ABCC4: variants seen among roughly 807,000 people sequenced by gnomAD.
The protein encoded by ABCC4 is ATP binding cassette subfamily C member 4 (PEL blood group).
Under a neutral mutation model 168.5 loss-of-function variants are expected in ABCC4, and 102 were observed. That is an observed-to-expected ratio of 0.61 (90% CI 0.52 to 0.71). ABCC4 has a LOEUF of 0.71. Among genes scored for constraint, ABCC4 ranks in the 30% least tolerant of loss-of-function variants. ABCC4 has a pLI of 0.00. For synonymous variants in ABCC4, 617 were observed against 590.7 expected, an observed-to-expected ratio of 1.04 and a Z score of -0.65; for missense variants, 1,402 against 1,605.8, an observed-to-expected ratio of 0.87 and a Z score of 2.17.
Position 95,206,608 on chromosome 13 carries a change from C to G in ABCC4, c.1085G>C (p.Arg362Pro), listed in dbSNP as rs986813068. The change falls in exon 8 of 31, where the codon CGG (arginine) becomes CCG (proline). Residue 362 changes from arginine to proline, a missense_variant. Transcript: ENST00000645237. ...FVAVTLYGAV[R>P]LTVTLFFPSA... ...GGGGAAGAAGAGGGTAACCGTCAGC[C>G]GCACAGCCCCATACAGCGTCACTGC... 6.2e-7 allele frequency: 1 copy of G among 1,614,120 alleles called. No individual in the cohort carries two copies.
At chr13:95,256,353 C>G (rs2040391348) in intron 1 of ABCC4, among the ~76,000 whole-genome samples, 1 of 152,196 alleles carries the variant, frequency 6.6e-6, no homozygotes, top group Non-Finnish European at 1.5e-5. Flanking sequence ...GCCAGAGATG[C>G]CATACTATAT....
chr13:95,088,528 T>C (rs114894225), intron 20 of ABCC4, among the ~76,000 whole-genome samples: 1,958 of 152,242 alleles, frequency 0.013, 40 homozygotes, highest in African/African-American at 0.045. Context: ...ACAGAATATA[T>C]TCTGACATAA....
chr13:95,084,726 T>C (rs2034201617), intron 20 of ABCC4, among the ~76,000 whole-genome samples: 1 of 152,194 alleles, frequency 6.6e-6, no homozygotes, highest in Non-Finnish European at 1.5e-5. Context: ...AGGCACATGA[T>C]AACAATAGCA....
At chr13:95,079,926 T>A (rs1411168883) in intron 21 of ABCC4, among the ~76,000 whole-genome samples, 1 of 152,186 alleles carries the variant, frequency 6.6e-6, no homozygotes, top group Non-Finnish European at 1.5e-5. Context: ...TGGACTCATA[T>A]CTGTTTTATT....
chr13:95,233,075 G>A (rs1389357310), intron 4 of ABCC4, among the ~76,000 whole-genome samples: 1 of 151,970 alleles, frequency 6.6e-6, no homozygotes, highest in East Asian at 1.9e-4. Flanking sequence ...TTTTTTTCTT[G>A]TCACTATTCC....
chr13:95,159,090 ATT>A (rs1219970795), intron 19 of ABCC4, among the ~76,000 whole-genome samples: 9 of 33,602 alleles, frequency 2.7e-4, no homozygotes, highest in Admixed American at 1.1e-3. Context: ...TTCTAAATAA[ATT>A]TTATATATAT....
chr13:95,158,380 C>A (rs771044745), intron 19 of ABCC4, among the ~76,000 whole-genome samples: 1 of 152,128 alleles, frequency 6.6e-6, no homozygotes, highest in Non-Finnish European at 1.5e-5. Flanking sequence ...AATATTCCAG[C>A]ACAAGGGCAC....
At chr13:95,122,531 T>C (rs1302513156) in intron 19 of ABCC4, among the ~76,000 whole-genome samples, 1 of 152,214 alleles carries the variant, frequency 6.6e-6, no homozygotes, top group Non-Finnish European at 1.5e-5. Flanking sequence ...CTATTAAGTT[T>C]TTAGAAACAG....
At chr13:95,084,958 G>A (rs1258674823) in intron 20 of ABCC4, among the ~76,000 whole-genome samples, 2 of 152,212 alleles carry the variant, frequency 1.3e-5, no homozygotes, top group Non-Finnish European at 2.9e-5. Flanking sequence ...ACGGTCTATG[G>A]CTTCGGGAAA....
intron 30 of ABCC4, among the ~76,000 whole-genome samples, chr13:95,029,182 A>ATATATATC (rs2031694601): frequency 3.0e-5 from 2 of 66,976 alleles, no homozygotes; most frequent in Admixed American, 1.5e-4. Flanking sequence ...ATATATATAT[A>ATATATATC]TATATATATA....
Position 95,181,204 on chromosome 13 carries a change from T to C in ABCC4, c.1546-3113A>G, listed in dbSNP as rs116087478. On this transcript the variant is annotated intron_variant, in intron 11 of 30. Coordinates refer to ENST00000645237, the MANE Select transcript of ABCC4 (RefSeq NM_005845.5). ...ACGTGGCTATGTGGGTTTGACGCCA[T>C]CTAACCAGAATCCTACCATGTGCAC... is the stretch of plus-strand genomic sequence containing the variant. 3.0e-3 allele frequency among the ~76,000 whole-genome samples: 450 copies of C among 152,310 alleles called. 1 individual carries two copies. Among genetic ancestry groups the C allele is most frequent in the African/African-American group, 0.011 (440 of 41,570 alleles).
At chr13:95,060,962 C>T (rs2033267284) in intron 26 of ABCC4, among the ~76,000 whole-genome samples, 1 of 152,178 alleles carries the variant, frequency 6.6e-6, no homozygotes, top group Non-Finnish European at 1.5e-5. Flanking sequence ...GTGAATTTGA[C>T]TAGTCTAGGT....
intron 4 of ABCC4, among the ~76,000 whole-genome samples, chr13:95,234,356 T>C (rs2039704435): frequency 6.6e-6 from 1 of 152,234 alleles, no homozygotes; most frequent in South Asian, 2.1e-4. Context: ...AAAACTTTCA[T>C]TATACACTGG....
At chr13:95,097,408 C>T (rs1480631306) in intron 20 of ABCC4, among the ~76,000 whole-genome samples, 1 of 151,936 alleles carries the variant, frequency 6.6e-6, no homozygotes, top group East Asian at 1.9e-4. Flanking sequence ...TAATTAGATG[C>T]TGCTTACAAC....
Position 95,141,374 on chromosome 13 carries a change from T to C in ABCC4, c.2455+19815A>G, listed in dbSNP as rs1029965787. On this transcript the variant is annotated intron_variant, in intron 19 of 30. Transcript: ENST00000645237. The stretch of plus-strand genomic sequence containing the variant: ...TTTTGTCTAGATGCATTATTTATCA[T>C]CCGGGTGTTTTTGCCCAAAATTTGT... Among the ~76,000 whole-genome samples, 3 of 152,186 alleles carry C rather than the reference T, an allele frequency of 2.0e-5. No individual in the cohort carries two copies. In the South Asian group the frequency reaches 6.2e-4, roughly 31 times the overall value.
Position 95,040,242 on chromosome 13 carries a change from T to G in ABCC4, c.3735+3440A>C, listed in dbSNP as rs578229825. On this transcript the variant is annotated intron_variant, in intron 29 of 30. Transcript: ENST00000645237. ...TTTATTCTCCCAGTGTGTTCATTTT[T>G]TATTTTTTGAGATGGATCTCACTCT... is the stretch of plus-strand genomic sequence containing the variant. Among the ~76,000 whole-genome samples, 43 of 152,360 alleles carry G rather than the reference T, an allele frequency of 2.8e-4. No homozygotes were observed. The South Asian group carries it at 8.3e-3, about 29-fold the overall frequency.
chr13:95,221,686 T>G (rs987233811), intron 4 of ABCC4, among the ~76,000 whole-genome samples: 2 of 151,290 alleles, frequency 1.3e-5, no homozygotes, highest in Admixed American at 1.3e-4. Context: ...AAAAACATTT[T>G]CAGGGCAGGG....
rs1370826677 is a variant in ABCC4, at chr13:95,301,371, C to T, written c.-57G>A. The T allele has an allele frequency of 1.4e-6, 2 of 1,476,090 alleles. No individual in the cohort carries two copies. Among genetic ancestry groups the T allele is most frequent in the Non-Finnish European group, 9.1e-7 (1 of 1,095,062 alleles). The allele number at this position is 1,476,090 out of a possible 1,614,324, so 91.4% of individuals were successfully genotyped here. Reference sequence around the variant, plus strand: ...CGCGCTGATCAGGCGGCGGTGGCCGCGGGCTCCGCTCCTGGACCTCAAGCA... The same window carrying T: ...CGCGCTGATCAGGCGGCGGTGGCCGTGGGCTCCGCTCCTGGACCTCAAGCA... On this transcript the variant is annotated 5_prime_UTR_variant, in exon 1 of 31. Coordinates refer to ENST00000645237, the MANE Select transcript of ABCC4 (RefSeq NM_005845.5).
At chr13:95,101,229 C>G (rs1262772276) in intron 20 of ABCC4, among the ~76,000 whole-genome samples, 1 of 152,174 alleles carries the variant, frequency 6.6e-6, no homozygotes, top group Non-Finnish European at 1.5e-5. Flanking sequence ...GGAGGAGGGA[C>G]TGGCACATTC....
Sources: gnomAD v4.1 joint callset for allele counts (sites outside exome capture counted in the v4.1 genomes callset) on GRCh38, gnomAD v4.1.1 for gene constraint, MANE v1.5 for transcripts, NCBI Gene and HGNC (gene_info 2026-07-23, HGNC 2026-07-21) for gene names.